Variants in LIMCH1 observed in about 807,000 individuals in gnomAD.
LIMCH1 encodes the protein LIM and calponin homology domains-containing protein 1.
LIMCH1 carries 113 observed loss-of-function variants against 176.5 expected under a neutral mutation model. The ratio of observed to expected loss-of-function variants is 0.64; its 90% CI spans 0.55 to 0.75. The LOEUF (loss-of-function observed/expected upper bound fraction) is 0.75. Ranked by LOEUF, LIMCH1 falls within the 30% of genes least tolerant of loss-of-function variation. LIMCH1 has a pLI of 0.00. For missense variants in LIMCH1, 1,674 were observed against 1,814.9 expected, an observed-to-expected ratio of 0.92 and a Z score of 1.41; for synonymous variants, 619 against 645.9, an observed-to-expected ratio of 0.96 and a Z score of 0.63.
intron 1 of LIMCH1, among the ~76,000 whole-genome samples, chr4:41,465,811 C>T (rs1456316736): frequency 6.6e-6 from 1 of 152,154 alleles, no homozygotes; most frequent in Non-Finnish European, 1.5e-5. Context: ...GCCCCACTGC[C>T]TGATTTTACA....
chr4:41,400,431 A>G (rs1474803009), intron 1 of LIMCH1, among the ~76,000 whole-genome samples: 1 of 152,186 alleles, frequency 6.6e-6, no homozygotes, highest in Non-Finnish European at 1.5e-5. Context: ...TCTATTTTAA[A>G]TTGGACTCTG....
chr4:41,390,792 C>T (rs1561216453), intron 1 of LIMCH1, among the ~76,000 whole-genome samples: 2 of 152,144 alleles, frequency 1.3e-5, no homozygotes, highest in African/African-American at 4.8e-5. Context: ...TAAGTGTGGG[C>T]TTCCTTCCTT....
chr4:41,585,725 G>T (rs2086323684), intron 1 of LIMCH1, among the ~76,000 whole-genome samples: 1 of 152,112 alleles, frequency 6.6e-6, no homozygotes. Flanking sequence ...TTAAAAACAG[G>T]CATTCTAATG....
intron 21 of LIMCH1, among the ~76,000 whole-genome samples, chr4:41,668,094 G>A (rs914714002): frequency 2.6e-5 from 4 of 152,124 alleles, no homozygotes; most frequent in Non-Finnish European, 5.9e-5. Context: ...GTGTTTTGTA[G>A]ATTTAGCTTA....
chr4:41,427,126 G>A (rs1472306300), intron 1 of LIMCH1, among the ~76,000 whole-genome samples: 1 of 152,168 alleles, frequency 6.6e-6, no homozygotes, highest in Non-Finnish European at 1.5e-5. Context: ...CAGGACTTAA[G>A]TTATTTTACA....
At chr4:41,376,481 C>G (rs920313640) in intron 1 of LIMCH1, among the ~76,000 whole-genome samples, 2 of 152,026 alleles carry the variant, frequency 1.3e-5, no homozygotes, top group African/African-American at 4.8e-5. Context: ...GAAATTTTTT[C>G]CCTCCTGAAT....
intron 2 of LIMCH1, among the ~76,000 whole-genome samples, chr4:41,502,999 G>GTCCGTCCATCCATCCA (rs1554075693): frequency 7.2e-6 from 1 of 138,312 alleles, no homozygotes; most frequent in African/African-American, 2.9e-5. Flanking sequence ...TGGTCTGTCT[G>GTCCGTCCATCCATCCA]TCCATCCATC....
At chr4:41,410,678 C>T (rs1022093343) in intron 1 of LIMCH1, among the ~76,000 whole-genome samples, 6 of 152,180 alleles carry the variant, frequency 3.9e-5, no homozygotes, top group African/African-American at 1.2e-4. Flanking sequence ...TCTCCTCTCC[C>T]GTCCATGGGA....
At chr4:41,469,500 T>C (rs2066629358) in intron 1 of LIMCH1, among the ~76,000 whole-genome samples, 1 of 152,178 alleles carries the variant, frequency 6.6e-6, no homozygotes, top group South Asian at 2.1e-4. Context: ...CTTGCAGCCA[T>C]AGGCATTCTT....
At chr4:41,557,013 C>T (rs1250191957) in intron 1 of LIMCH1, among the ~76,000 whole-genome samples, 1 of 152,166 alleles carries the variant, frequency 6.6e-6, no homozygotes, top group Admixed American at 6.5e-5. Context: ...ACACAGAATT[C>T]TGTTTATTTT....
At chr4:41,380,615 G>A (rs1306106703) in intron 1 of LIMCH1, among the ~76,000 whole-genome samples, 1 of 152,072 alleles carries the variant, frequency 6.6e-6, no homozygotes, top group Non-Finnish European at 1.5e-5. Context: ...CTGGATCAGG[G>A]CCTGAGCATT....
chr4:41,361,590 C>A (rs2052064685), intron 1 of LIMCH1, among the ~76,000 whole-genome samples: 1 of 152,246 alleles, frequency 6.6e-6, no homozygotes, highest in South Asian at 2.1e-4. Context: ...ATCCCAAGGA[C>A]TGCAGGGTCG....
chr4:41,435,912 T>C (rs1483502386), intron 1 of LIMCH1, among the ~76,000 whole-genome samples: 1 of 152,180 alleles, frequency 6.6e-6, no homozygotes, highest in African/African-American at 2.4e-5. Context: ...ATTCCTATAA[T>C]AGAAATAATA....
chr4:41,380,571 T>G (rs981902524), intron 1 of LIMCH1, among the ~76,000 whole-genome samples: 2 of 152,030 alleles, frequency 1.3e-5, no homozygotes, highest in African/African-American at 2.4e-5. Context: ...GGCTACACAT[T>G]AGAATTATTT....
rs144772157 is a variant in LIMCH1, at chr4:41,514,218, G to A, written c.168-10191G>A. On this transcript the variant is annotated intron_variant, in intron 2 of 26. Transcript: ENST00000313860. Reference sequence around the variant, plus strand: ...AACAAGGACTGGCCCTTACACTAGAGCTAGAGTTACAGAGAGGACTAACCC... The same window carrying A: ...AACAAGGACTGGCCCTTACACTAGAACTAGAGTTACAGAGAGGACTAACCC... Among the ~76,000 whole-genome samples the A allele has an allele frequency of 8.5e-5, 13 of 152,132 alleles. No homozygotes were observed. In the East Asian group the frequency reaches 2.3e-3, roughly 27 times the overall value.
At chr4:41,654,793 T>G (rs1209829919) in intron 18 of LIMCH1, among the ~76,000 whole-genome samples, 1 of 152,162 alleles carries the variant, frequency 6.6e-6, no homozygotes, top group African/African-American at 2.4e-5. Flanking sequence ...ATGAGGGTGC[T>G]GTATATTCTA....
intron 1 of LIMCH1, among the ~76,000 whole-genome samples, chr4:41,375,689 C>T (rs889353139): frequency 6.6e-6 from 1 of 152,242 alleles, no homozygotes; most frequent in Non-Finnish European, 1.5e-5. Context: ...GAGCAGTCCC[C>T]AGGCATGTGG....
At chr4:41,379,862 G>A (rs768267907) in intron 1 of LIMCH1, among the ~76,000 whole-genome samples, 6 of 151,908 alleles carry the variant, frequency 3.9e-5, no homozygotes, top group Non-Finnish European at 5.9e-5. Context: ...GCAGTGACGC[G>A]ATCTCAGCTC....
At chr4:41,501,857 CTTTTTTTTTTTTTTTTT>C (rs71198662) in intron 2 of LIMCH1, among the ~76,000 whole-genome samples, 1 of 74,986 alleles carries the variant, frequency 1.3e-5, no homozygotes, top group African/African-American at 5.7e-5. Context: ...GTGTAGAATC[CTTTTTTTTTTTTTTTTT>C]TTTTTTTTTT....
Sources: allele counts gnomAD v4.1 joint callset (sites outside exome capture counted in the v4.1 genomes callset), GRCh38; gene constraint gnomAD v4.1.1; transcripts MANE v1.5; gene names NCBI Gene and HGNC (gene_info 2026-07-23, HGNC 2026-07-21).